Variants in ADAM28 observed in about 807,000 individuals in gnomAD.
ADAM28 encodes the protein disintegrin and metalloproteinase domain-containing protein 28.
ADAM28 carries 105 observed loss-of-function variants against 101.2 expected under a neutral mutation model. The observed-to-expected ratio is 1.04, with a 90% CI of 0.89 to 1.22. The LOEUF (loss-of-function observed/expected upper bound fraction) is 1.22. ADAM28 is among the 50% of genes most tolerant of loss of function. ADAM28 has a pLI of 0.00. For missense variants in ADAM28, 1,028 were observed against 945.4 expected, an observed-to-expected ratio of 1.09 and a Z score of -1.15; for synonymous variants, 322 against 310.6, an observed-to-expected ratio of 1.04 and a Z score of -0.39.
intron 3 of ADAM28, 35 bp downstream of exon 3, chr8:24,310,005 A>T: frequency 6.6e-7 from 1 of 1,519,194 alleles, no homozygotes; most frequent in South Asian, 1.1e-5. Context: ...ATCCTCAGCA[A>T]GAGCAAGGCA....
chr8:24,309,841 TA>T (rs1810208954), intron 2 of ADAM28, 52 bp from the exon 3 acceptor site: 1 of 1,288,982 alleles, frequency 7.8e-7, no homozygotes, highest in East Asian at 2.3e-5. Flanking sequence ...AGAAATATAA[TA>T]GTCAAATGAA....
chr8:24,310,313 C>G, intron 4 of ADAM28, 72 bp downstream of exon 4: 1 of 1,343,132 alleles, frequency 7.4e-7, no homozygotes, highest in Non-Finnish European at 1.0e-6. Flanking sequence ...CCTTGCCAGG[C>G]AAATAATAGA....
chr8:24,296,433 C>T (rs62502708), intron 1 of ADAM28, among the ~76,000 whole-genome samples: 14,536 of 152,206 alleles, frequency 0.096, 905 homozygotes, highest in East Asian at 0.24. Flanking sequence ...CCTAATTCAG[C>T]GTTTAATATG....
intron 18 of ADAM28, among the ~76,000 whole-genome samples, chr8:24,344,036 A>T (rs1184874562): frequency 6.6e-6 from 1 of 152,050 alleles, no homozygotes; most frequent in Non-Finnish European, 1.5e-5. Context: ...TTTCTTCAGG[A>T]TATGTGATCC....
chr8:24,306,726 C>G (rs973418213), intron 2 of ADAM28, among the ~76,000 whole-genome samples: 4 of 152,100 alleles, frequency 2.6e-5, no homozygotes, highest in Non-Finnish European at 4.4e-5. Context: ...CTGAGATTCA[C>G]ATTTAATTGG....
At chr8:24,348,454 G>A (rs78925664) in intron 18 of ADAM28, among the ~76,000 whole-genome samples, 11,742 of 152,012 alleles carry the variant, frequency 0.077, 823 homozygotes, top group African/African-American at 0.19. Context: ...AGGGTTTGCT[G>A]TTGGTTCATT....
Position 24,310,261 on chromosome 8 carries a change from A to G in ADAM28, c.306+20A>G, listed in dbSNP as rs558429297. ...ATTATGGTATAACGGAGTCTCTTCAATTCTTTAATTAGGGTTTTACCCACA... is the reference window on the plus strand; with the variant it reads ...ATTATGGTATAACGGAGTCTCTTCAGTTCTTTAATTAGGGTTTTACCCACA... On this transcript the variant is annotated intron_variant, in intron 4 of 22. Coordinates refer to ENST00000265769, the MANE Select transcript of ADAM28 (RefSeq NM_014265.6). 3 of 1,605,046 alleles carry G rather than the reference A, an allele frequency of 1.9e-6. No individual in the cohort carries two copies. Among genetic ancestry groups the G allele is most frequent in the South Asian group, 1.1e-5 (1 of 90,814 alleles).
rs779090136 is a variant in ADAM28, at chr8:24,309,972, T to G, written c.227+2T>G. 1.4e-5 allele frequency: 21 copies of G among 1,553,732 alleles called. No homozygotes were observed. The highest frequency in any genetic ancestry group is 5.3e-6 in the Non-Finnish European group (6 of 1,126,808). On this transcript the variant is annotated splice_donor_variant, in intron 3 of 22. Transcript: ENST00000265769. LOFTEE classifies it high-confidence loss of function. Reference sequence around the variant, plus strand: ...AGTGCTTTATTTGAAAAAAAACAAGTAAGTATCTTTACCTGTGATATTATC... The same window carrying G: ...AGTGCTTTATTTGAAAAAAAACAAGGAAGTATCTTTACCTGTGATATTATC...
At position 24,331,285 on chromosome 8, in the gene ADAM28, G is replaced by GT. The variant is rs767700171; in HGVS notation, c.1241dup (p.Leu414PhefsTer9). 1 of 1,612,636 alleles carries GT rather than the reference G, an allele frequency of 6.2e-7. No individual in the cohort carries two copies. Among genetic ancestry groups the GT allele is most frequent in the Non-Finnish European group, 8.5e-7 (1 of 1,179,266 alleles). On this transcript the variant is annotated frameshift_variant, in exon 12 of 23. Transcript: ENST00000265769. LOFTEE classifies it high-confidence loss of function. Reference sequence around the variant, plus strand: ...TATCCACTCCAATTTGTGGGAACCAGTTGGTGGAAATGGGAGAGGACTGTG... The same window carrying GT: ...TATCCACTCCAATTTGTGGGAACCAGTTTGGTGGAAATGGGAGAGGACTGTG...
chr8:24,343,172 A>G lies in ADAM28; in HGVS notation c.1902A>G (p.Lys634=). The part of the protein sequence containing the change: ...YKSTNCSSKC[K]GHAVCDHELQ... ...CAACCAATTGCTCATCTAAGTGCAA[A>G]GGACATGCTGTAAGTTCTGAAAATA... The change falls in exon 17 of 23, where the codon AAA becomes AAG. Residue 634 remains lysine, a synonymous_variant. Coordinates refer to ENST00000265769, the MANE Select transcript of ADAM28 (RefSeq NM_014265.6). The G allele has an allele frequency of 6.2e-7, 1 of 1,613,774 alleles. No individual in the cohort carries two copies. The highest frequency in any genetic ancestry group is 8.5e-7 in the Non-Finnish European group (1 of 1,179,734).
rs750023704 is a variant in ADAM28 at position 24,300,072 on chromosome 8, C to T, written c.145C>T (p.Gln49Ter). ...LHKREAKEPE[Q>*]QEQFETELKY... ...TAAAAGAGAGGCCAAAGAGCCAGAG[C>T]AACAGGTACAGCTTTTGATTTATCA... The change falls in exon 2 of 23, where the codon CAA becomes TAA. Residue 49 changes from glutamine (Q) to a stop codon, truncating the protein, a stop_gained. Transcript: ENST00000265769. LOFTEE classifies it high-confidence loss of function. The T allele has an allele frequency of 3.7e-6, 6 of 1,612,384 alleles. No homozygotes were observed. Among genetic ancestry groups the T allele is most frequent in the Non-Finnish European group, 5.1e-6 (6 of 1,179,244 alleles).
At position 24,338,060 on chromosome 8, in the gene ADAM28, T is replaced by A. The variant is rs1249772408; in HGVS notation, c.1568-1406T>A. ...CGTACACTGCTGGTAAATACACAAGTTAGCATCATCTTTACGGACAGAAAA... is the reference window on the plus strand; with the variant it reads ...CGTACACTGCTGGTAAATACACAAGATAGCATCATCTTTACGGACAGAAAA... On this transcript the variant is annotated intron_variant, in intron 14 of 22. Coordinates refer to ENST00000265769, the MANE Select transcript of ADAM28 (RefSeq NM_014265.6). Among the ~76,000 whole-genome samples the A allele has an allele frequency of 2.0e-5, 3 of 152,208 alleles. No homozygotes were observed. In the East Asian group the frequency reaches 5.8e-4, roughly 29 times the overall value.
chr8:24,316,029 A>G (rs73217057), intron 6 of ADAM28, among the ~76,000 whole-genome samples: 5 of 151,952 alleles, frequency 3.3e-5, no homozygotes, highest in Admixed American at 6.6e-5. Flanking sequence ...GAGTTTAGGC[A>G]TAGAAGAAAA....
intron 6 of ADAM28, 135 bp downstream of exon 6, chr8:24,313,715 C>T: frequency 1.2e-5 from 10 of 859,242 alleles, no homozygotes; most frequent in Non-Finnish European, 1.6e-5. Context: ...TTAAATATTG[C>T]TAGACATTAA....
intron 4 of ADAM28, 63 bp downstream of exon 4, chr8:24,310,304 C>A: frequency 6.8e-7 from 1 of 1,463,972 alleles, no homozygotes. Context: ...AGGTAGTGTC[C>A]TTGCCAGGCA....
chr8:24,309,087 C>T (rs138703889), intron 2 of ADAM28, among the ~76,000 whole-genome samples: 24 of 152,326 alleles, frequency 1.6e-4, no homozygotes, highest in Non-Finnish European at 2.5e-4. Context: ...AAAGTCAGAA[C>T]TTAGTACCCC....
At chr8:24,320,951 G>T (rs1178242295) in intron 7 of ADAM28, among the ~76,000 whole-genome samples, 1 of 151,778 alleles carries the variant, frequency 6.6e-6, no homozygotes, top group Non-Finnish European at 1.5e-5. Context: ...GAAAACCATA[G>T]AATTTAAGTG....
intron 16 of ADAM28, chr8:24,342,889 T>A: frequency 1.4e-5 from 11 of 770,890 alleles, no homozygotes; most frequent in East Asian, 6.0e-5. Context: ...TAAAAATACA[T>A]AAATTCTTAG....
chr8:24,347,603 G>C lies in ADAM28; in HGVS notation c.1991-2261G>C, dbSNP rs190849586. ...TTGTTTATTTGTTCTACCAATTACT[G>C]TGCTGGGAGTGTTAAAATACCCCCC... On this transcript the variant is annotated intron_variant, in intron 18 of 22. Transcript: ENST00000265769. Among the ~76,000 whole-genome samples the C allele has an allele frequency of 9.9e-5, 15 of 152,142 alleles. No homozygotes were observed. In the East Asian group the frequency reaches 2.7e-3, roughly 27 times the overall value.
Sources: allele counts gnomAD v4.1 joint callset (sites outside exome capture counted in the v4.1 genomes callset), GRCh38; gene constraint gnomAD v4.1.1; transcripts MANE v1.5; gene names NCBI Gene and HGNC (gene_info 2026-07-23, HGNC 2026-07-21).